The following PPP2R1B variants were observed in gnomAD, a reference collection of about 807,000 sequenced individuals.
PPP2R1B encodes protein phosphatase 2 scaffold subunit Abeta.
PPP2R1B carries 58 observed loss-of-function variants against 72.7 expected under a neutral mutation model. The ratio of observed to expected loss-of-function variants is 0.80; its 90% CI spans 0.65 to 0.99. PPP2R1B has a LOEUF of 0.99. PPP2R1B is among the 50% of genes least tolerant of loss of function. PPP2R1B has a pLI of 0.00. For synonymous variants in PPP2R1B, 256 were observed against 264.6 expected, an observed-to-expected ratio of 0.97 and a Z score of 0.32; for missense variants, 695 against 733.6, an observed-to-expected ratio of 0.95 and a Z score of 0.61.
chr11:111,727,357 C>A, intron 15 of PPP2R1B: 1 of 440,728 alleles, frequency 2.3e-6, no homozygotes, highest in Non-Finnish European at 4.1e-6. Flanking sequence ...GTCAGTGGCC[C>A]TTTCTTCCTC....
chr11:111,712,907 G>A, the PPP2R1B span, among the ~76,000 whole-genome samples: 1 of 152,310 alleles, frequency 6.6e-6, no homozygotes, highest in East Asian at 1.9e-4. Flanking sequence ...GCTCAAGCCT[G>A]TAATCCCAGC....
chr11:111,696,028 CG>C, the PPP2R1B span, among the ~76,000 whole-genome samples: 9 of 152,114 alleles, frequency 5.9e-5, no homozygotes, highest in Admixed American at 5.9e-4. Context: ...TGGTCTGCTG[CG>C]GCTGGTTAAT....
chr11:111,737,325 CT>C, downstream of PPP2R1B: 1 of 1,455,438 alleles, frequency 6.9e-7, no homozygotes, highest in Non-Finnish European at 9.4e-7. Flanking sequence ...GACTCTTCCC[CT>C]GGGGACAAAG....
chr11:111,741,636 G>C, intron 14 of PPP2R1B, 24 bp from the exon 15 acceptor site: 1 of 1,612,412 alleles, frequency 6.2e-7, no homozygotes, highest in Non-Finnish European at 8.5e-7. Context: ...AACAAAATCA[G>C]GTTAGTGGTA....
At chr11:111,711,338 G>T in the PPP2R1B span, among the ~76,000 whole-genome samples, 1 of 152,068 alleles carries the variant, frequency 6.6e-6, no homozygotes, top group South Asian at 2.1e-4. Flanking sequence ...AGCCAGGATG[G>T]TCTCGATCTC....
chr11:111,743,896 G>T (rs1474643516), intron 11 of PPP2R1B, among the ~76,000 whole-genome samples: 1 of 152,230 alleles, frequency 6.6e-6, no homozygotes, highest in African/African-American at 2.4e-5. Context: ...CAATTAGAAT[G>T]AAGTGTGGCA....
At chr11:111,765,644 T>C (rs188033235) in intron 1 of PPP2R1B, among the ~76,000 whole-genome samples, 41 of 152,064 alleles carry the variant, frequency 2.7e-4, no homozygotes, top group Admixed American at 6.5e-4. Context: ...ATACAACACC[T>C]AGGAAGTAAG....
chr11:111,712,259 C>G, the PPP2R1B span: 3 of 1,614,062 alleles, frequency 1.9e-6, no homozygotes, highest in African/African-American at 2.7e-5. Flanking sequence ...GAACATGAGG[C>G]TGCTGCGATC....
intron 1 of PPP2R1B, 23 bp from the exon 2 acceptor site, chr11:111,765,407 A>T (rs1945488730): frequency 1.9e-6 from 3 of 1,573,026 alleles, no homozygotes; most frequent in Non-Finnish European, 2.6e-6. Context: ...AAGTAGAAAG[A>T]AGAACAATGT....
At chr11:111,690,956 G>A in the PPP2R1B span, among the ~76,000 whole-genome samples, 59 of 152,170 alleles carry the variant, frequency 3.9e-4, 2 homozygotes, top group Admixed American at 3.9e-3. Context: ...TTTAGGCAGA[G>A]AAAGGTTATA....
chr11:111,753,469 G>T lies in PPP2R1B; in HGVS notation c.1138C>A (p.Leu380Ile). 6.2e-7 allele frequency: 1 copy of T among 1,613,550 alleles called. No individual in the cohort carries two copies. Among genetic ancestry groups the T allele is most frequent in the Non-Finnish European group, 8.5e-7 (1 of 1,179,860 alleles). The change falls in exon 9 of 15, where the codon CTT (leucine) becomes ATT (isoleucine). Residue 380 changes from leucine to isoleucine, a missense_variant. Transcript: ENST00000527614. Reference protein sequence around the residue: ...KENTIEHLLPLFLAQLKDECP... With the variant: ...KENTIEHLLPIFLAQLKDECP... ...TCATCCTTTAACTGAGCTAAGAAAA[G>T]AGGTAGAAGATGTTCAATGGTATTT...
At chr11:111,760,708 G>T in intron 4 of PPP2R1B, 111 bp downstream of exon 4, 2 of 916,858 alleles carry the variant, frequency 2.2e-6, no homozygotes, top group Non-Finnish European at 3.4e-6. Flanking sequence ...CCACTCATTG[G>T]TAACAAGGTA....
downstream of PPP2R1B, among the ~76,000 whole-genome samples, chr11:111,722,924 A>G (rs1045131336): frequency 7.9e-5 from 12 of 152,186 alleles, no homozygotes; most frequent in Admixed American, 1.3e-4. The surrounding 1 kb of genome is among the most constrained non-coding windows in gnomAD (Gnocchi z 4.4). Flanking sequence ...CTCAGTATCC[A>G]TGGAGGATGG....
At chr11:111,764,519 G>A (rs1243291622) in intron 3 of PPP2R1B, among the ~76,000 whole-genome samples, 6 of 151,936 alleles carry the variant, frequency 3.9e-5, no homozygotes, top group African/African-American at 1.2e-4. Flanking sequence ...TTCCACCATC[G>A]CGCGGGGGAA....
chr11:111,732,674 C>T (rs1944230826), intron 15 of PPP2R1B, among the ~76,000 whole-genome samples: 1 of 152,176 alleles, frequency 6.6e-6, no homozygotes, highest in African/African-American at 2.4e-5. Context: ...CTGAGCGACA[C>T]AGCAAGACTT....
chr11:111,712,404 T>C, the PPP2R1B span: 12 of 1,594,674 alleles, frequency 7.5e-6, no homozygotes, highest in Non-Finnish European at 9.4e-6. Context: ...GTCTCAGAAC[T>C]GGCAGTTTGG....
downstream of PPP2R1B, chr11:111,723,891 C>G: frequency 1.2e-6 from 2 of 1,613,438 alleles, no homozygotes; most frequent in Non-Finnish European, 1.7e-6. Flanking sequence ...TCCTATCAGA[C>G]TTGTGAGCTG....
At chr11:111,751,705 C>T (rs1376997854) in intron 10 of PPP2R1B, among the ~76,000 whole-genome samples, 1 of 152,222 alleles carries the variant, frequency 6.6e-6, no homozygotes, top group Non-Finnish European at 1.5e-5. Flanking sequence ...AGGCCAGATG[C>T]AGTGGCTCAC....
chr11:111,740,588 G>C lies in PPP2R1B; in HGVS notation c.*1008C>G. The C allele has an allele frequency of 1.0e-6, 1 of 984,818 alleles. No homozygotes were observed. Among genetic ancestry groups the C allele is most frequent in the Non-Finnish European group, 1.2e-6 (1 of 829,392 alleles). 61.0% of individuals were successfully genotyped at this position (984,818 alleles called of 1,614,324 possible). On this transcript the variant is annotated 3_prime_UTR_variant, in exon 15 of 15. Coordinates refer to ENST00000527614, the MANE Select transcript of PPP2R1B (RefSeq NM_002716.5). ...TTATCTTAAATTTCAGAATTAATGA[G>C]GTTTTACTGTAAAAGTAGAAAAGCA... is the stretch of plus-strand genomic sequence containing the variant.
Sources: gnomAD v4.1 joint callset for allele counts (sites outside exome capture counted in the v4.1 genomes callset) on GRCh38, gnomAD v4.1.1 for gene constraint, Gnocchi (gnomAD v3.1) non-coding constraint, MANE v1.5 for transcripts, NCBI Gene and HGNC (gene_info 2026-07-23, HGNC 2026-07-21) for gene names.